GUCY1A2: variants seen among roughly 807,000 people sequenced by gnomAD.
GUCY1A2 encodes guanylate cyclase 1 soluble subunit alpha 2, also known as guanylate cyclase soluble subunit alpha-2.
In GUCY1A2, 27 loss-of-function variants were observed where a neutral mutation model predicts 63.5. The ratio of observed to expected loss-of-function variants is 0.43; its 90% CI spans 0.31 to 0.59. The LOEUF (loss-of-function observed/expected upper bound fraction) is 0.59. GUCY1A2 is among the 20% of genes least tolerant of loss of function. GUCY1A2 has a pLI of 0.11. For missense variants in GUCY1A2, 768 were observed against 913.3 expected, an observed-to-expected ratio of 0.84 and a Z score of 2.05; for synonymous variants, 364 against 343.5, an observed-to-expected ratio of 1.06 and a Z score of -0.66.
intron 6 of GUCY1A2, among the ~76,000 whole-genome samples, chr11:106,718,684 A>G (rs1363387607): frequency 6.6e-6 from 1 of 152,162 alleles, no homozygotes; most frequent in African/African-American, 2.4e-5. Context: ...TGAGATACTT[A>G]GATTGAATAT....
intron 4 of GUCY1A2, among the ~76,000 whole-genome samples, chr11:106,936,180 T>G (rs1860674425): frequency 6.6e-6 from 1 of 152,198 alleles, no homozygotes; most frequent in African/African-American, 2.4e-5. Flanking sequence ...CTTTGTAATC[T>G]ATATCAGTAG....
At chr11:106,951,526 T>C (rs1213803428) in intron 3 of GUCY1A2, among the ~76,000 whole-genome samples, 2 of 152,204 alleles carry the variant, frequency 1.3e-5, no homozygotes, top group African/African-American at 4.8e-5. Flanking sequence ...TTGTTGGCTA[T>C]GTAAATATCT....
At chr11:106,827,134 T>C in intron 4 of GUCY1A2, 2 of 1,483,584 alleles carry the variant, frequency 1.3e-6, no homozygotes, top group Non-Finnish European at 9.4e-7. Context: ...AAGGTGAATC[T>C]TATGAGAAAA....
intron 4 of GUCY1A2, among the ~76,000 whole-genome samples, chr11:106,851,341 G>A (rs191950349): frequency 0.013 from 1,952 of 151,992 alleles, 27 homozygotes; most frequent in South Asian, 0.048. Flanking sequence ...CTGTGCAGAA[G>A]CTTCTTAGTT....
At chr11:106,727,008 G>A (rs1041637022) in intron 6 of GUCY1A2, among the ~76,000 whole-genome samples, 4 of 152,190 alleles carry the variant, frequency 2.6e-5, no homozygotes, top group Non-Finnish European at 5.9e-5. Context: ...GGGTAAAACC[G>A]AGGACCTGAA....
intron 3 of GUCY1A2, among the ~76,000 whole-genome samples, chr11:106,947,378 C>A (rs1860845046): frequency 6.6e-6 from 1 of 151,584 alleles, no homozygotes; most frequent in Non-Finnish European, 1.5e-5. Flanking sequence ...TAAAAGAAAA[C>A]CTTGATAAAA....
Position 106,730,059 on chromosome 11 carries a change from A to AATATATATATATAT in GUCY1A2, c.1837-21407_1837-21394dup, listed in dbSNP as rs60486225. ...AAACTGCTTTCTTTAATCAGCATGGAATATATATATATATATATATATATA... is the reference window on the plus strand; with the variant it reads ...AAACTGCTTTCTTTAATCAGCATGGAATATATATATATATATATATATATATATATATATATATA... On this transcript the variant is annotated intron_variant, in intron 6 of 7. Transcript: ENST00000526355. 7.4e-3 allele frequency among the ~76,000 whole-genome samples: 763 copies of AATATATATATATAT among 103,160 alleles called. 7 individuals are homozygous for AATATATATATATAT. Among genetic ancestry groups the AATATATATATATAT allele is most frequent in the Non-Finnish European group, 9.0e-3 (454 of 50,224 alleles). 67.7% of individuals were successfully genotyped at this position (103,160 alleles called of 152,430 possible).
At chr11:106,946,358 G>A (rs1860828675) in intron 3 of GUCY1A2, among the ~76,000 whole-genome samples, 1 of 151,920 alleles carries the variant, frequency 6.6e-6, no homozygotes, top group Non-Finnish European at 1.5e-5. Flanking sequence ...CAAAAGACCA[G>A]AAACAAAAAC....
intron 4 of GUCY1A2, among the ~76,000 whole-genome samples, chr11:106,937,021 T>C (rs1860688179): frequency 6.6e-6 from 1 of 152,116 alleles, no homozygotes; most frequent in African/African-American, 2.4e-5. Flanking sequence ...AATGTGAAAT[T>C]TGATGACTTA....
chr11:106,878,782 T>TAAA (rs372754272), intron 4 of GUCY1A2, among the ~76,000 whole-genome samples: 47 of 137,962 alleles, frequency 3.4e-4, no homozygotes, highest in Middle Eastern at 4.0e-3. Flanking sequence ...ACTTAAAAGT[T>TAAA]AAAAAAAAAA....
Position 106,678,080 on chromosome 11 carries a change from C to A in GUCY1A2, c.*9469G>T. The A allele has an allele frequency of 5.0e-6, 1 of 200,814 alleles. No homozygotes were observed. The highest frequency in any genetic ancestry group is 1.0e-5 in the Non-Finnish European group (1 of 97,324). The allele number at this position is 200,814 out of a possible 1,614,324, so 12.4% of individuals were successfully genotyped here. A position where few individuals can be genotyped will look rare whatever the true frequency, so the allele number is the denominator to read the frequency against. Reference sequence around the variant, plus strand: ...AAGAATAGTAATTTGGGCTGCCATCCATTAATAATAATTTTTACACAGGAA... The same window carrying A: ...AAGAATAGTAATTTGGGCTGCCATCAATTAATAATAATTTTTACACAGGAA... On this transcript the variant is annotated 3_prime_UTR_variant, in exon 8 of 8. Transcript: ENST00000526355.
chr11:106,835,348 T>G (rs1004226095), intron 4 of GUCY1A2, among the ~76,000 whole-genome samples: 22 of 151,584 alleles, frequency 1.5e-4, no homozygotes, highest in Non-Finnish European at 1.5e-4. Context: ...AAACTAGAAC[T>G]GGAAGATCTA....
intron 3 of GUCY1A2, among the ~76,000 whole-genome samples, chr11:106,956,178 G>A (rs1288401472): frequency 6.6e-6 from 1 of 151,700 alleles, no homozygotes; most frequent in Non-Finnish European, 1.5e-5. Context: ...ATTCTAGTTA[G>A]CAATTCCTTT....
intron 3 of GUCY1A2, among the ~76,000 whole-genome samples, chr11:106,964,154 C>T (rs968016832): frequency 6.6e-6 from 1 of 152,144 alleles, no homozygotes. Context: ...CACTTTGACA[C>T]AATACTATCT....
intron 1 of GUCY1A2, among the ~76,000 whole-genome samples, chr11:107,002,388 GGT>G (rs71044205): frequency 1.9e-3 from 276 of 148,952 alleles, no homozygotes; most frequent in African/African-American, 5.7e-3. Flanking sequence ...AATAAGAACA[GGT>G]GTGTGTGTGT....
intron 6 of GUCY1A2, among the ~76,000 whole-genome samples, chr11:106,767,934 G>C (rs1438237129): frequency 4.6e-5 from 7 of 152,048 alleles, no homozygotes; most frequent in Admixed American, 3.9e-4. Flanking sequence ...TAAATTCAAT[G>C]ACTACCCTAT....
chr11:106,978,480 A>C, intron 3 of GUCY1A2, 139 bp downstream of exon 3: 1 of 563,698 alleles, frequency 1.8e-6, no homozygotes, highest in Non-Finnish European at 3.1e-6. Flanking sequence ...GAGAGTTAAC[A>C]CCCATCACTT....
Position 106,827,827 on chromosome 11 carries a change from C to T in GUCY1A2, c.1207-17349G>A, listed in dbSNP as rs1858993257. On this transcript the variant is annotated intron_variant, in intron 4 of 7. Transcript: ENST00000526355. The stretch of plus-strand genomic sequence containing the variant: ...GCCAACTGCTCCGCACAAGTGACGC[C>T]CGCGATGCCGCCGCCGACCACCATG... The T allele has an allele frequency of 2.5e-6, 4 of 1,599,782 alleles. No individual in the cohort carries two copies. The African/African-American group carries it at 4.0e-5, about 16-fold the overall frequency.
chr11:106,811,175 G>C (rs1814594636), intron 4 of GUCY1A2, among the ~76,000 whole-genome samples: 1 of 151,914 alleles, frequency 6.6e-6, no homozygotes, highest in Non-Finnish European at 1.5e-5. Flanking sequence ...AGAATCTGAG[G>C]GTAAAGTAAT....
Sources: allele counts gnomAD v4.1 joint callset (sites outside exome capture counted in the v4.1 genomes callset), GRCh38; gene constraint gnomAD v4.1.1; transcripts MANE v1.5; gene names NCBI Gene and HGNC (gene_info 2026-07-23, HGNC 2026-07-21).